KAT6B: variants seen among roughly 807,000 people sequenced by gnomAD.
KAT6B encodes the protein lysine acetyltransferase 6B, also known as histone acetyltransferase KAT6B.
Under a neutral mutation model 187.5 loss-of-function variants are expected in KAT6B, and 10 were observed. The observed-to-expected ratio is 0.05, with a 90% CI of 0.03 to 0.09. The LOEUF (loss-of-function observed/expected upper bound fraction) is 0.09, where lower values mean the gene tolerates loss of function less well. KAT6B is among the 10% of genes least tolerant of loss of function. KAT6B has a pLI of 1.00. For synonymous variants in KAT6B, 861 were observed against 926.8 expected (o/e 0.93, Z 1.29); for missense variants, 1,952 against 2,558.9 (o/e 0.76, Z 5.12).
chr10:74,979,115 A>G (rs766441798), intron 9 of KAT6B, 109 bp from the exon 10 acceptor site: 41 of 756,784 alleles, frequency 5.4e-5, no homozygotes, highest in Non-Finnish European at 8.1e-5. Context: ...CAAATTCACA[A>G]TTAAGATTAG....
At chr10:75,012,668 T>A (rs1358279148) in intron 13 of KAT6B, among the ~76,000 whole-genome samples, 6 of 152,152 alleles carry the variant, frequency 3.9e-5, no homozygotes, top group Non-Finnish European at 8.8e-5. Flanking sequence ...GATGCCCTAC[T>A]TGTGAGTTCA....
At position 74,975,703 on chromosome 10, in the gene KAT6B, A is replaced by C. The variant is rs763282624; in HGVS notation, c.1366A>C (p.Ile456Leu). 16 of 1,614,126 alleles carry C rather than the reference A, an allele frequency of 9.9e-6. No homozygotes were observed. The highest frequency in any genetic ancestry group is 1.4e-5 in the Non-Finnish European group (16 of 1,180,058). The stretch of plus-strand genomic sequence containing the variant: ...TGGTCGCAGATCACGAGGTGAAATT[A>C]TAGACTTTTCAAAGCACTATCGTCC... Reference protein sequence around the residue: ...PDGRRSRGEIIDFSKHYRPRK... With the variant: ...PDGRRSRGEILDFSKHYRPRK... Residue 456 changes from isoleucine (I) to leucine (L), a missense_variant, in exon 8 of 18, where the codon ATA (isoleucine) becomes CTA (leucine). Ile to Leu is a conservative substitution (Grantham distance 5). Transcript: ENST00000287239.
chr10:74,910,300 A>G (rs1013284111), intron 3 of KAT6B, among the ~76,000 whole-genome samples: 1 of 152,208 alleles, frequency 6.6e-6, no homozygotes, highest in Non-Finnish European at 1.5e-5. Context: ...CTCCATCTCA[A>G]AAAATAACTA....
chr10:74,956,650 A>G (rs187877227), intron 3 of KAT6B, among the ~76,000 whole-genome samples: 66 of 152,324 alleles, frequency 4.3e-4, no homozygotes, highest in African/African-American at 1.4e-3. Flanking sequence ...AACCTATGCA[A>G]CCTTAAAAAT....
Position 75,015,056 on chromosome 10 carries a change from C to T in KAT6B, c.2630-5526C>T, listed in dbSNP as rs139608480. 4.5e-4 allele frequency among the ~76,000 whole-genome samples: 69 copies of T among 152,258 alleles called. 1 individual carries two copies. Among genetic ancestry groups the T allele is most frequent in the Middle Eastern group, 3.4e-3 (1 of 294 alleles). On this transcript the variant is annotated intron_variant, in intron 13 of 17. Transcript: ENST00000287239. Reference sequence around the variant, plus strand: ...GCACAGATGCTGGGCTCTGCCTCTCCCCACCAAAGATCCTGATTCAGCAGG... The same window carrying T: ...GCACAGATGCTGGGCTCTGCCTCTCTCCACCAAAGATCCTGATTCAGCAGG...
intron 3 of KAT6B, among the ~76,000 whole-genome samples, chr10:74,855,761 A>G (rs1842776163): frequency 6.6e-6 from 1 of 152,206 alleles, no homozygotes; most frequent in Non-Finnish European, 1.5e-5. Context: ...ATAAATATTA[A>G]AAGAGTAGTA....
At chr10:74,954,938 G>T (rs914558860) in intron 3 of KAT6B, among the ~76,000 whole-genome samples, 21 of 152,172 alleles carry the variant, frequency 1.4e-4, no homozygotes, top group Admixed American at 1.4e-3. Flanking sequence ...GTCGGTAATG[G>T]GCTTGAGAGA....
chr10:75,029,777 T>G lies in KAT6B; in HGVS notation c.4953T>G (p.Asp1651Glu). Reference protein sequence around the residue: ...LQNMETSPMMDVPSVSDHSQQ... With the variant: ...LQNMETSPMMEVPSVSDHSQQ... ...ACATGGAAACCAGTCCCATGATGGA[T>G]GTCCCATCAGTTTCAGATCATTCAC... Residue 1651 changes from aspartate (D) to glutamate (E), a missense_variant, in exon 18 of 18, where the codon GAT (aspartate) becomes GAG (glutamate). By Grantham distance (45) the Asp-to-Glu change is conservative. This residue lies in a region of KAT6B where 87 missense variants were observed against 167.5 expected (regional missense o/e 0.52). Transcript: ENST00000287239. The surrounding 1 kb of genome is among the most constrained non-coding windows in gnomAD (Gnocchi z 6.2). 6.2e-7 allele frequency: 1 copy of G among 1,614,030 alleles called. No individual in the cohort carries two copies. The highest frequency in any genetic ancestry group is 8.5e-7 in the Non-Finnish European group (1 of 1,179,874).
intron 3 of KAT6B, among the ~76,000 whole-genome samples, chr10:74,931,977 G>T (rs1000406954): frequency 6.6e-6 from 1 of 152,228 alleles, no homozygotes; most frequent in Non-Finnish European, 1.5e-5. Flanking sequence ...CTCCCAAAGT[G>T]CTGGGATTAC....
intron 3 of KAT6B, among the ~76,000 whole-genome samples, chr10:74,925,366 A>G (rs993057679): frequency 3.3e-5 from 5 of 151,952 alleles, no homozygotes; most frequent in Non-Finnish European, 7.4e-5. Context: ...TTGTGGGATA[A>G]TCATTCCATA....
At chr10:75,005,629 TAAA>T (rs1421197628) in intron 13 of KAT6B, among the ~76,000 whole-genome samples, 2 of 152,162 alleles carry the variant, frequency 1.3e-5, no homozygotes, top group African/African-American at 2.4e-5. Flanking sequence ...TCATATTGGG[TAAA>T]ACAAAAGGTT....
rs767385323 is a variant in KAT6B, at chr10:74,972,610, A to T, written c.1032A>T (p.Arg344=). The part of the protein sequence containing the change: ...IKRRYAKPIG[R]PKNKLKQRLL... ...GACGATATGCAAAACCCATTGGACG[A>T]CCGAAAAATAAATTAAAGCAACGAT... is the stretch of plus-strand genomic sequence containing the variant. The change falls in exon 7 of 18, where the codon CGA becomes CGT. Residue 344 remains arginine, a synonymous_variant. Transcript: ENST00000287239. The T allele has an allele frequency of 2.3e-5, 37 of 1,613,402 alleles. No individual in the cohort carries two copies. Among genetic ancestry groups the T allele is most frequent in the Non-Finnish European group, 3.1e-5 (37 of 1,179,568 alleles).
In KAT6B at chr10:75,028,875, G is replaced by A. The variant is rs747945298; in HGVS notation, c.4051G>A (p.Glu1351Lys). The A allele has an allele frequency of 3.1e-6, 5 of 1,613,440 alleles. No homozygotes were observed. In the African/African-American group the frequency reaches 4.0e-5, roughly 13 times the overall value. The change falls in exon 18 of 18, where the codon GAG (glutamate) becomes AAG (lysine). Residue 1351 changes from glutamate to lysine, a missense_variant. By Grantham distance (56) the Glu-to-Lys change is moderately conservative. Transcript: ENST00000287239. Reference protein sequence around the residue: ...EKPEDDLIKPEEEEEEEEEEE... With the variant: ...EKPEDDLIKPKEEEEEEEEEE... ...ACCAGAAGATGATCTCATCAAACCT[G>A]AGGAAGAGGAAGAGGAGGAGGAGGA...
chr10:74,972,279 G>A (rs1450260178), intron 6 of KAT6B, among the ~76,000 whole-genome samples: 1 of 152,060 alleles, frequency 6.6e-6, no homozygotes, highest in African/African-American at 2.4e-5. Context: ...CAGCTTCATG[G>A]AAGGATTCTG....
intron 7 of KAT6B, among the ~76,000 whole-genome samples, chr10:74,973,264 T>C (rs1564598161): frequency 1.3e-5 from 2 of 152,226 alleles, no homozygotes; most frequent in Admixed American, 1.3e-4. Context: ...TTCACTATCT[T>C]GTTGCTGTAT....
At chr10:74,945,615 A>G (rs1839893892) in intron 3 of KAT6B, among the ~76,000 whole-genome samples, 1 of 151,846 alleles carries the variant, frequency 6.6e-6, no homozygotes, top group Non-Finnish European at 1.5e-5. Flanking sequence ...ACACCCAGCT[A>G]ATTTTTGTAT....
At chr10:75,013,488 T>C (rs780314680) in intron 13 of KAT6B, among the ~76,000 whole-genome samples, 3 of 152,132 alleles carry the variant, frequency 2.0e-5, no homozygotes, top group Non-Finnish European at 2.9e-5. Context: ...TTTAGGTTCC[T>C]CAGGCAAAAG....
chr10:74,883,575 C>T (rs893914934), intron 3 of KAT6B, among the ~76,000 whole-genome samples: 3 of 152,118 alleles, frequency 2.0e-5, no homozygotes, highest in African/African-American at 7.2e-5. Context: ...AATTATGAGC[C>T]ATTTGTGACC....
intron 3 of KAT6B, among the ~76,000 whole-genome samples, chr10:74,957,718 G>A (rs1840787585): frequency 6.6e-6 from 1 of 152,158 alleles, no homozygotes; most frequent in Admixed American, 6.5e-5. Flanking sequence ...AAGAGGACCG[G>A]GTTTTAGCTC....
Sources: allele counts gnomAD v4.1 joint callset (sites outside exome capture counted in the v4.1 genomes callset), GRCh38; gene constraint gnomAD v4.1.1; regional missense constraint gnomAD v4.1.1; non-coding constraint Gnocchi (gnomAD v3.1); transcripts MANE v1.5; gene names NCBI Gene and HGNC (gene_info 2026-07-23, HGNC 2026-07-21).